The following ZNF142 variants were observed in gnomAD, a reference collection of about 807,000 sequenced individuals.
The protein encoded by ZNF142 is zinc finger protein 142.
A neutral mutation model predicts 132.1 loss-of-function variants in ZNF142; 96 were observed. The ratio of observed to expected loss-of-function variants is 0.73; its 90% CI spans 0.62 to 0.86. ZNF142 has a LOEUF of 0.86. ZNF142 is among the 40% of genes least tolerant of loss of function. The pLI is 0.00. For synonymous variants in ZNF142, 842 were observed against 890.1 expected (o/e 0.95, Z 0.96); for missense variants, 2,163 against 2,336.2 (o/e 0.93, Z 1.53).
At position 218,644,734 on chromosome 2, in the gene ZNF142, C is replaced by T. The variant is rs758175688; in HGVS notation, c.2382G>A (p.Lys794=). The part of the protein sequence containing the change: ...SNTTLLFHKR[K]AHGYVPGDQA... ...GGTCTCCAGGTACATAGCCATGGGC[C>T]TTGCGTTTATGGAACAAGAGTGTGG... is the stretch of plus-strand genomic sequence containing the variant. The change falls in exon 9 of 11, where the codon AAG becomes AAA. Residue 794 remains lysine, a synonymous_variant. Coordinates refer to ENST00000411696, the MANE Select transcript of ZNF142 (RefSeq NM_001379659.1). This position sits in a 1 kb window ranked among gnomAD's most constrained non-coding sequence, Gnocchi z 4.6. The T allele has an allele frequency of 6.8e-6, 11 of 1,614,218 alleles. No homozygotes were observed. The Admixed American group carries it at 1.8e-4, about 27-fold the overall frequency.
rs1559302081 is a variant in ZNF142, at chr2:218,651,886, AG to A, written c.694del (p.Leu232CysfsTer27). ...PVPCSFRGCP[L>X]LFGSQQGMEL... The stretch of plus-strand genomic sequence containing the variant: ...CATGCCCTGCTGGCTCCCGAAAAGC[AG>A]GGGGCAGCCCCGGAAAGAACAGGGC... On this transcript the variant is annotated frameshift_variant, in exon 5 of 11. Coordinates refer to ENST00000411696, the MANE Select transcript of ZNF142 (RefSeq NM_001379659.1). LOFTEE classifies it high-confidence loss of function. 2.3e-6 allele frequency: 3 copies of A among 1,289,720 alleles called. No individual in the cohort carries two copies. Among genetic ancestry groups the A allele is most frequent in the Non-Finnish European group, 3.0e-6 (3 of 988,716 alleles). The allele number at this position is 1,289,720 out of a possible 1,614,324, so 79.9% of individuals were successfully genotyped here.
At chr2:218,639,595 G>A (rs576310771) in intron 10 of ZNF142, among the ~76,000 whole-genome samples, 2 of 152,154 alleles carry the variant, frequency 1.3e-5, no homozygotes, top group South Asian at 4.1e-4. Context: ...AGGTGGGCGT[G>A]GTGGCGTGCA....
rs771946853 is a variant in ZNF142 at position 218,643,427 on chromosome 2, G to C, written c.3689C>G (p.Ser1230Cys). ...GAGCCGGGAACAAAGGAATGGGCAGGAGTTGCAGTGAAACTTGCCCTGCTC... is the reference window on the plus strand; with the variant it reads ...GAGCCGGGAACAAAGGAATGGGCAGCAGTTGCAGTGAAACTTGCCCTGCTC... ...RFEQGKFHCN[S>C]CPFLCSRLSS... The change falls in exon 9 of 11, where the codon TCC becomes TGC. Residue 1230 changes from serine (S) to cysteine (C), a missense_variant. This residue lies in a region of ZNF142 where 809 missense variants were observed against 801.7 expected (regional missense o/e 1.01). Coordinates refer to ENST00000411696, the MANE Select transcript of ZNF142 (RefSeq NM_001379659.1). The C allele has an allele frequency of 4.3e-6, 7 of 1,614,122 alleles. No individual in the cohort carries two copies. Among genetic ancestry groups the C allele is most frequent in the Middle Eastern group, 1.6e-4 (1 of 6,084 alleles).
At chr2:218,652,745 A>T (rs1938125387) in intron 4 of ZNF142, among the ~76,000 whole-genome samples, 2 of 152,178 alleles carry the variant, frequency 1.3e-5, no homozygotes, top group Non-Finnish European at 1.5e-5. Context: ...TCTGAAAATA[A>T]TTATTATTCT....
At chr2:218,639,062 C>T (rs1037430168) in intron 10 of ZNF142, among the ~76,000 whole-genome samples, 3 of 152,220 alleles carry the variant, frequency 2.0e-5, no homozygotes, top group Non-Finnish European at 4.4e-5. Flanking sequence ...ACCTCCGCCT[C>T]CCAGGTTCAA....
rs1696678766 is a variant in ZNF142 at position 218,635,551 on chromosome 2, C to T, written c.*2788G>A. Among the ~76,000 whole-genome samples, 1 of 152,114 alleles carries T rather than the reference C, an allele frequency of 6.6e-6. No individual in the cohort carries two copies. Among genetic ancestry groups the T allele is most frequent in the African/African-American group, 2.4e-5 (1 of 41,422 alleles). ...ATAGGGTTTCACCATGTTGGCCAGG[C>T]TGGTCTCCTGGTTTCAAGTGATCTG... On this transcript the variant is annotated 3_prime_UTR_variant, in exon 11 of 11. Coordinates refer to ENST00000411696, the MANE Select transcript of ZNF142 (RefSeq NM_001379659.1).
In ZNF142 at chr2:218,636,645, C is replaced by A; in HGVS notation, c.*1694G>T. The A allele has an allele frequency of 1.3e-6, 2 of 1,482,620 alleles. No individual in the cohort carries two copies. Among genetic ancestry groups the A allele is most frequent in the South Asian group, 1.2e-5 (1 of 84,614 alleles). 91.8% of individuals were successfully genotyped at this position (1,482,620 alleles called of 1,614,324 possible). ...GGGGAGAAACATCTGGAAGGATGCT[C>A]GAGAGAACAAATGGAGGTGGTGAAA... On this transcript the variant is annotated 3_prime_UTR_variant, in exon 11 of 11. Transcript: ENST00000411696.
At chr2:218,650,554 C>T in intron 5 of ZNF142, 28 bp from the exon 6 acceptor site, 1 of 1,527,094 alleles carries the variant, frequency 6.5e-7, no homozygotes, top group Non-Finnish European at 8.8e-7. Context: ...TTGATAAAGT[C>T]TACAGGAGCC....
rs747130010 is a variant in ZNF142, at chr2:218,643,256, C to T, written c.3860G>A (p.Ser1287Asn). The T allele has an allele frequency of 1.1e-5, 18 of 1,614,264 alleles. No individual in the cohort carries two copies. In the East Asian group the frequency reaches 3.1e-4, roughly 28 times the overall value. ...CAGAACTGTATCCCCATCACCAGAG[C>T]TGGACTCTGTACTCCCATTCTTCGG... The part of the protein sequence containing the change: ...APPKNGSTES[S>N]SGDGDTVLVQ... The change falls in exon 9 of 11, where the codon AGC becomes AAC. Residue 1287 changes from serine to asparagine, a missense_variant. Coordinates refer to ENST00000411696, the MANE Select transcript of ZNF142 (RefSeq NM_001379659.1).
Position 218,634,450 on chromosome 2 carries a change from G to A in ZNF142, c.*3889C>T, listed in dbSNP as rs201202001. On this transcript the variant is annotated 3_prime_UTR_variant, in exon 11 of 11. Coordinates refer to ENST00000411696, the MANE Select transcript of ZNF142 (RefSeq NM_001379659.1). This position sits in a 1 kb window ranked among gnomAD's most constrained non-coding sequence, Gnocchi z 4.0. Reference sequence around the variant, plus strand: ...AATCTTGCTCTTCTTTTCTCCTGGGGCCCTCAGTGGCCATGAATATGCAGA... The same window carrying A: ...AATCTTGCTCTTCTTTTCTCCTGGGACCCTCAGTGGCCATGAATATGCAGA... 3.1e-6 allele frequency: 5 copies of A among 1,608,522 alleles called. No homozygotes were observed. In the South Asian group the frequency reaches 4.4e-5, roughly 14 times the overall value.
chr2:218,648,735 T>C lies in ZNF142; in HGVS notation c.1773A>G (p.Val591=). The C allele has an allele frequency of 6.2e-7, 1 of 1,614,250 alleles. No homozygotes were observed. Among genetic ancestry groups the C allele is most frequent in the South Asian group, 1.1e-5 (1 of 91,084 alleles). The change falls in exon 7 of 11, where the codon GTA becomes GTG. Residue 591 remains valine, a synonymous_variant. Coordinates refer to ENST00000411696, the MANE Select transcript of ZNF142 (RefSeq NM_001379659.1). ...TFNPVAYQDH[V]GKMHAHEKIH... ...TCTTTTCATGAGCATGCATCTTGCC[T>C]ACATGATCCTGGTAAGCCACTGGGT...
intron 8 of ZNF142, among the ~76,000 whole-genome samples, chr2:218,645,501 G>A (rs1697656162): frequency 6.6e-6 from 1 of 152,186 alleles, no homozygotes; most frequent in Non-Finnish European, 1.5e-5. Flanking sequence ...AGCCAGCTGT[G>A]CCATAGGTCA....
chr2:218,646,000 G>C (rs538353170), intron 8 of ZNF142, among the ~76,000 whole-genome samples, 171 bp downstream of exon 8: 1 of 152,146 alleles, frequency 6.6e-6, no homozygotes, highest in Non-Finnish European at 1.5e-5. Flanking sequence ...CAATTTGCCC[G>C]CCCCGGCCTC....
rs1268284851 is a variant in ZNF142 at position 218,659,078 on chromosome 2, G to A, written c.-309C>T. The A allele has an allele frequency of 2.0e-5, 3 of 152,248 alleles. No individual in the cohort carries two copies. Among genetic ancestry groups the A allele is most frequent in the Non-Finnish European group, 4.4e-5 (3 of 68,122 alleles). 9.4% of individuals were successfully genotyped at this position (152,248 alleles called of 1,614,324 possible). ...TGACAGTGTCCACATCGTCGGGCAG[G>A]AGCTGGATCATAAGAGCCAGCGAAC... On this transcript the variant is annotated 5_prime_UTR_variant, in exon 2 of 11. Coordinates refer to ENST00000411696, the MANE Select transcript of ZNF142 (RefSeq NM_001379659.1). This position sits in a 1 kb window ranked among gnomAD's most constrained non-coding sequence, Gnocchi z 4.4.
At position 218,636,260 on chromosome 2, in the gene ZNF142, G is replaced by A; in HGVS notation, c.*2079C>T. ...CAACTCAGGTTTTAATCCATACTGG[G>A]GGCAGACACTATGTTTCCGGGTGCT... is the stretch of plus-strand genomic sequence containing the variant. On this transcript the variant is annotated 3_prime_UTR_variant, in exon 11 of 11. Coordinates refer to ENST00000411696, the MANE Select transcript of ZNF142 (RefSeq NM_001379659.1). 6.2e-7 allele frequency: 1 copy of A among 1,613,956 alleles called. No homozygotes were observed. Among genetic ancestry groups the A allele is most frequent in the Non-Finnish European group, 8.5e-7 (1 of 1,179,864 alleles).
At chr2:218,655,038 G>A (rs753864347) in intron 4 of ZNF142, among the ~76,000 whole-genome samples, 36 of 152,252 alleles carry the variant, frequency 2.4e-4, no homozygotes, top group Non-Finnish European at 4.1e-4. Flanking sequence ...GCAGTGAGCC[G>A]TAACTGTGCC....
At position 218,651,961 on chromosome 2, in the gene ZNF142, C is replaced by T. The variant is rs1260733793; in HGVS notation, c.620G>A (p.Arg207His). ...CCTCAGGTGGTGCTGCAGACCCTTG[C>T]GATCTTCAGCAGAGAACACACAGCC... ...ESGCVFSAEDRKGLQHHLRQT... is the reference protein window; with the variant it reads ...ESGCVFSAEDHKGLQHHLRQT... Residue 207 changes from arginine to histidine, a missense_variant, in exon 5 of 11, where the codon CGC becomes CAC. By Grantham distance (29) the Arg-to-His change is conservative (BLOSUM62 0). This residue lies in a region of ZNF142 where 195 missense variants were observed against 172.4 expected (regional missense o/e 1.13). Transcript: ENST00000411696. The T allele has an allele frequency of 1.1e-5, 11 of 967,268 alleles. No homozygotes were observed. The highest frequency in any genetic ancestry group is 5.4e-5 in the South Asian group (4 of 74,710). 59.9% of individuals were successfully genotyped at this position (967,268 alleles called of 1,614,324 possible).
chr2:218,638,002 T>C lies in ZNF142; in HGVS notation c.*337A>G, dbSNP rs975679376. ...GTTTTTAGAAGATTCTGAAAGAAAA[T>C]AGGAATTGACACAGTAAGAAGGAAA... On this transcript the variant is annotated 3_prime_UTR_variant, in exon 11 of 11. Coordinates refer to ENST00000411696, the MANE Select transcript of ZNF142 (RefSeq NM_001379659.1). 1.3e-5 allele frequency: 3 copies of C among 222,284 alleles called. No individual in the cohort carries two copies. Among genetic ancestry groups the C allele is most frequent in the African/African-American group, 4.5e-5 (2 of 44,036 alleles). The allele number at this position is 222,284 out of a possible 1,614,324, so 13.8% of individuals were successfully genotyped here.
chr2:218,644,577 C>G lies in ZNF142; in HGVS notation c.2539G>C (p.Val847Leu), dbSNP rs766399426. The G allele has an allele frequency of 7.4e-6, 12 of 1,614,042 alleles. No individual in the cohort carries two copies. Among genetic ancestry groups the G allele is most frequent in the Non-Finnish European group, 8.5e-7 (1 of 1,180,048 alleles). ...PEGPGHEPGT[V>L]VDPSLDQALP... The stretch of plus-strand genomic sequence containing the variant: ...GCCTGGTCCAAGCTGGGGTCCACCA[C>G]AGTCCCAGGTTCGTGACCTGGCCCC... Residue 847 changes from valine (V) to leucine (L), a missense_variant, in exon 9 of 11, where the codon GTG becomes CTG. Coordinates refer to ENST00000411696, the MANE Select transcript of ZNF142 (RefSeq NM_001379659.1). The surrounding 1 kb of genome is among the most constrained non-coding windows in gnomAD (Gnocchi z 4.6).
Sources: gnomAD v4.1 joint callset for allele counts (sites outside exome capture counted in the v4.1 genomes callset) on GRCh38, gnomAD v4.1.1 for gene constraint, gnomAD v4.1.1 regional missense constraint, Gnocchi (gnomAD v3.1) non-coding constraint, MANE v1.5 for transcripts, NCBI Gene and HGNC (gene_info 2026-07-23, HGNC 2026-07-21) for gene names.